DOCK5: variants seen among roughly 807,000 people sequenced by gnomAD.
DOCK5 encodes the protein dedicator of cytokinesis protein 5.
Under a neutral mutation model 251.8 loss-of-function variants are expected in DOCK5, and 142 were observed. The observed-to-expected ratio is 0.56, with a 90% CI of 0.49 to 0.65. DOCK5 has a LOEUF of 0.65. Among genes scored for constraint, DOCK5 ranks in the 30% least tolerant of loss-of-function variants. DOCK5 has a pLI of 0.00. For missense variants in DOCK5, 2,111 were observed against 2,312.3 expected, an observed-to-expected ratio of 0.91 and a Z score of 1.79; for synonymous variants, 842 against 835.5, an observed-to-expected ratio of 1.01 and a Z score of -0.13.
rs1254568269 is a variant in DOCK5, at chr8:25,380,622, G to A, written c.4026+228G>A. On this transcript the variant is annotated intron_variant, in intron 39 of 51. Coordinates refer to ENST00000276440, the MANE Select transcript of DOCK5 (RefSeq NM_024940.8). ...CAGGACATCTCTGGAAGTGGAGTGG[G>A]GTTGTCTCGACAGTGTGGTGGAATA... is the stretch of plus-strand genomic sequence containing the variant. 3.3e-5 allele frequency among the ~76,000 whole-genome samples: 5 copies of A among 152,202 alleles called. No homozygotes were observed. The South Asian group carries it at 6.2e-4, about 19-fold the overall frequency.
rs1425594784 is a variant in DOCK5, at chr8:25,268,828, C to T, written c.128-17C>T. The T allele has an allele frequency of 1.9e-6, 3 of 1,566,558 alleles. No homozygotes were observed. Among genetic ancestry groups the T allele is most frequent in the East Asian group, 2.3e-5 (1 of 43,148 alleles). On this transcript the variant is annotated splice_polypyrimidine_tract_variant and intron_variant, in intron 2 of 51. Transcript: ENST00000276440. ...CAGAAAACATAAAATATTTTGTGTT[C>T]TCTTTTGCTCTGACAGGTTGGTACA...
At chr8:25,243,845 C>A in intron 2 of DOCK5, 88 bp downstream of exon 2, 1 of 1,233,914 alleles carries the variant, frequency 8.1e-7, no homozygotes. Context: ...TAAACATCAA[C>A]ATGCTTGACT....
rs1801103252 is a variant in DOCK5 at position 25,383,289 on chromosome 8, T to G, written c.4131+511T>G. Among the ~76,000 whole-genome samples, 4 of 152,222 alleles carry G rather than the reference T, an allele frequency of 2.6e-5. 1 individual carries two copies. In the South Asian group the frequency reaches 8.3e-4, roughly 32 times the overall value. ...TCTTATCTCTTACGAAAAGTTTCTT[T>G]TAGAGCTGAGCTTTGCTTAAACATT... On this transcript the variant is annotated intron_variant, in intron 40 of 51. Coordinates refer to ENST00000276440, the MANE Select transcript of DOCK5 (RefSeq NM_024940.8).
At chr8:25,324,134 G>C (rs1457610719) in intron 17 of DOCK5, among the ~76,000 whole-genome samples, 183 bp downstream of exon 17, 1 of 152,180 alleles carries the variant, frequency 6.6e-6, no homozygotes, top group African/African-American at 2.4e-5. Flanking sequence ...CCTGCTTTCT[G>C]GAGAGAGTGA....
rs560205635 is a variant in DOCK5, at chr8:25,187,333, A to G, written c.43+2382A>G. ...TATGCGTATATGTGTGTGTGTGTAT[A>G]TATATATGTATATGGAAATATGGGT... On this transcript the variant is annotated intron_variant, in intron 1 of 51. Coordinates refer to ENST00000276440, the MANE Select transcript of DOCK5 (RefSeq NM_024940.8). Among the ~76,000 whole-genome samples, 604 of 150,188 alleles carry G rather than the reference A, an allele frequency of 4.0e-3. 2 individuals are homozygous for G. The highest frequency in any genetic ancestry group is 6.6e-3 in the Non-Finnish European group (445 of 67,786).
Position 25,332,459 on chromosome 8 carries a change from AAT to A in DOCK5, c.2001+112_2001+113del, listed in dbSNP as rs1293020707. On this transcript the variant is annotated intron_variant, in intron 19 of 51. Coordinates refer to ENST00000276440, the MANE Select transcript of DOCK5 (RefSeq NM_024940.8). ...ATTAAATCATTCATTGTAAATATAA[AAT>A]CTACGTTGTTAAACAAGTGTGCTAG... The A allele has an allele frequency of 1.8e-4, 214 of 1,205,730 alleles. No individual in the cohort carries two copies. The African/African-American group carries it at 3.1e-3, about 17-fold the overall frequency. 74.7% of individuals were successfully genotyped at this position (1,205,730 alleles called of 1,614,324 possible).
chr8:25,387,721 T>C (rs1225221609), intron 40 of DOCK5, among the ~76,000 whole-genome samples: 1 of 152,230 alleles, frequency 6.6e-6, no homozygotes, highest in Non-Finnish European at 1.5e-5. Flanking sequence ...CTCCCAGAAT[T>C]CTGTGCTTTC....
At chr8:25,302,496 C>A (rs879938266) in intron 10 of DOCK5, 42 bp downstream of exon 10, 2 of 1,472,038 alleles carry the variant, frequency 1.4e-6, no homozygotes, top group Admixed American at 2.7e-5. Flanking sequence ...TAGTGCAGTG[C>A]TGTGGAAAAT....
In DOCK5 at chr8:25,392,174, C is replaced by T. The variant is rs139353778; in HGVS notation, c.4440+194C>T. Among the ~76,000 whole-genome samples, 1,327 of 152,130 alleles carry T rather than the reference C, an allele frequency of 8.7e-3. 22 individuals carry two copies. The highest frequency in any genetic ancestry group is 0.03 in the African/African-American group (1,240 of 41,504). ...AAAAAATTAGCCGGGCGTGGTGGCA[C>T]GCACCTGTAGTCCCAGCTACTCGGG... On this transcript the variant is annotated intron_variant, in intron 43 of 51. Coordinates refer to ENST00000276440, the MANE Select transcript of DOCK5 (RefSeq NM_024940.8).
At position 25,321,008 on chromosome 8, in the gene DOCK5, G is replaced by A. The variant is rs114179365; in HGVS notation, c.1571G>A (p.Arg524His). The change falls in exon 16 of 52, where the codon CGC (arginine) becomes CAC (histidine). Residue 524 changes from arginine to histidine, a missense_variant. Physicochemically the swap from Arg to His is conservative, Grantham distance 29. Coordinates refer to ENST00000276440, the MANE Select transcript of DOCK5 (RefSeq NM_024940.8). Reference sequence around the variant, plus strand: ...TCCATTGCTATAGAAGAAGTCACACGCTGTCATATAAGATTTACCTTCCGA... The same window carrying A: ...TCCATTGCTATAGAAGAAGTCACACACTGTCATATAAGATTTACCTTCCGA... ...KVSIAIEEVT[R>H]CHIRFTFRHR... 808 of 1,613,468 alleles carry A rather than the reference G, an allele frequency of 5.0e-4. 2 individuals carry two copies. The African/African-American group carries it at 9.7e-3, about 19-fold the overall frequency.
rs1397766881 is a variant in DOCK5, at chr8:25,345,671, G to C, written c.2754+60G>C. 10 of 1,587,524 alleles carry C rather than the reference G, an allele frequency of 6.3e-6. No homozygotes were observed. In the East Asian group the frequency reaches 2.0e-4, roughly 32 times the overall value. Reference sequence around the variant, plus strand: ...CACACTGTCCCCTTTGCACCAGACAGGAGTGACTCCGTGGCCTTCCTATTC... The same window carrying C: ...CACACTGTCCCCTTTGCACCAGACACGAGTGACTCCGTGGCCTTCCTATTC... On this transcript the variant is annotated intron_variant, in intron 26 of 51. Transcript: ENST00000276440.
intron 6 of DOCK5, among the ~76,000 whole-genome samples, chr8:25,292,790 C>A (rs973965241): frequency 3.3e-5 from 5 of 152,158 alleles, no homozygotes; most frequent in African/African-American, 9.7e-5. Context: ...CTGAAGTTGA[C>A]ATTTTCAGAT....
intron 4 of DOCK5, among the ~76,000 whole-genome samples, chr8:25,275,835 C>CAA (rs11374112): frequency 6.6e-6 from 1 of 150,642 alleles, no homozygotes; most frequent in Middle Eastern, 3.4e-3. Flanking sequence ...GACTCTCTCT[C>CAA]AAAAAAAAAT....
At chr8:25,379,575 A>G (rs1158306357) in intron 38 of DOCK5, among the ~76,000 whole-genome samples, 2 of 152,174 alleles carry the variant, frequency 1.3e-5, no homozygotes, top group African/African-American at 2.4e-5. Context: ...TTTACAATCA[A>G]TTTGTACAGT....
At chr8:25,245,958 C>T (rs1008934465) in intron 2 of DOCK5, among the ~76,000 whole-genome samples, 2 of 152,154 alleles carry the variant, frequency 1.3e-5, no homozygotes, top group Non-Finnish European at 2.9e-5. Flanking sequence ...AACTCTTCCA[C>T]CATGATTGTA....
chr8:25,372,785 C>T, intron 35 of DOCK5, 67 bp downstream of exon 35: 1 of 1,478,266 alleles, frequency 6.8e-7, no homozygotes, highest in Non-Finnish European at 9.0e-7. Context: ...TACAGCTCAG[C>T]TCTAGGTAGA....
intron 2 of DOCK5, among the ~76,000 whole-genome samples, chr8:25,262,402 C>G (rs1461800480): frequency 6.6e-6 from 1 of 152,144 alleles, no homozygotes; most frequent in Non-Finnish European, 1.5e-5. Flanking sequence ...TCCGTCAGCC[C>G]CCAAGTTCTC....
chr8:25,192,762 T>A (rs780748843), intron 1 of DOCK5, among the ~76,000 whole-genome samples: 22 of 152,220 alleles, frequency 1.4e-4, no homozygotes, highest in Non-Finnish European at 2.8e-4. Context: ...TCCTCCTGTC[T>A]TGGCCTCCCA....
Position 25,368,737 on chromosome 8 carries a change from CA to C in DOCK5, c.3438+13del. 6.2e-7 allele frequency: 1 copy of C among 1,609,964 alleles called. No homozygotes were observed. Among genetic ancestry groups the C allele is most frequent in the Non-Finnish European group, 8.5e-7 (1 of 1,177,884 alleles). Reference sequence around the variant, plus strand: ...GCAATTTCCATATGGTAAGAAGTGGCAGACCGCGTAATATTAGTAAATGGAC... The same window carrying C: ...GCAATTTCCATATGGTAAGAAGTGGCGACCGCGTAATATTAGTAAATGGAC... On this transcript the variant is annotated intron_variant, in intron 33 of 51. Transcript: ENST00000276440.
Sources: allele counts gnomAD v4.1 joint callset (sites outside exome capture counted in the v4.1 genomes callset), GRCh38; gene constraint gnomAD v4.1.1; transcripts MANE v1.5; gene names NCBI Gene and HGNC (gene_info 2026-07-23, HGNC 2026-07-21).